The following CDR2 variants were observed in gnomAD, a reference collection of about 807,000 sequenced individuals.
CDR2 encodes the protein cerebellar degeneration-related protein 2.
Under a neutral mutation model 48.4 loss-of-function variants are expected in CDR2, and 34 were observed. That is an observed-to-expected ratio of 0.70 (90% confidence interval 0.53 to 0.94). CDR2 has a LOEUF of 0.94. Among genes scored for constraint, CDR2 ranks in the 40% least tolerant of loss-of-function variants. The pLI, the probability that CDR2 is intolerant of heterozygous loss-of-function variation, is 0.00. For missense variants in CDR2, 498 were observed against 549.5 expected (o/e 0.91, Z 0.94); for synonymous variants, 240 against 219.7 (o/e 1.09, Z -0.82).
At chr16:22,348,682 G>C (rs770155657) in intron 4 of CDR2, among the ~76,000 whole-genome samples, 3 of 152,228 alleles carry the variant, frequency 2.0e-5, no homozygotes, top group South Asian at 2.1e-4. Context: ...CAGGTGATCT[G>C]ATGTACAGCC....
chr16:22,357,410 T>G (rs1017902988), intron 2 of CDR2, among the ~76,000 whole-genome samples: 1 of 152,074 alleles, frequency 6.6e-6, no homozygotes, highest in Admixed American at 6.6e-5. Flanking sequence ...TGACACACAG[T>G]AGGGGACAAA....
chr16:22,369,565 G>A (rs536494464), intron 1 of CDR2, among the ~76,000 whole-genome samples: 10 of 151,478 alleles, frequency 6.6e-5, no homozygotes, highest in African/African-American at 2.2e-4. Context: ...CTGAAGTCTC[G>A]ATCTCCTAAA....
chr16:22,354,780 G>A (rs1221150033), intron 2 of CDR2, among the ~76,000 whole-genome samples: 1 of 151,888 alleles, frequency 6.6e-6, no homozygotes, highest in African/African-American at 2.4e-5. Context: ...TGTAGTCCCA[G>A]CTACTTGGGA....
At chr16:22,353,798 G>A (rs2048957422) in intron 2 of CDR2, among the ~76,000 whole-genome samples, 1 of 152,070 alleles carries the variant, frequency 6.6e-6, no homozygotes, top group Admixed American at 6.6e-5. Context: ...CTCATCCCCT[G>A]GGTATCTCCC....
intron 2 of CDR2, among the ~76,000 whole-genome samples, chr16:22,364,358 C>G (rs888551233): frequency 6.6e-6 from 1 of 151,898 alleles, no homozygotes. Flanking sequence ...CATCTGAACA[C>G]ACTGTGAAAT....
chr16:22,351,669 T>C (rs546669566), intron 2 of CDR2, among the ~76,000 whole-genome samples: 104 of 152,326 alleles, frequency 6.8e-4, no homozygotes, highest in African/African-American at 2.4e-3. Context: ...TTTATCACCA[T>C]TATCCTCCTT....
intron 4 of CDR2, chr16:22,349,016 A>G (rs1383553348): frequency 3.2e-6 from 1 of 313,746 alleles, no homozygotes. Flanking sequence ...CAACTCCCAA[A>G]TCTAGTCTAT....
chr16:22,355,358 T>C (rs1267856528), intron 2 of CDR2, among the ~76,000 whole-genome samples: 2 of 152,226 alleles, frequency 1.3e-5, no homozygotes, highest in Non-Finnish European at 2.9e-5. Context: ...TCCGGGGGGA[T>C]GCAGTTCTCC....
At chr16:22,372,233 G>A (rs1012624573) in intron 1 of CDR2, among the ~76,000 whole-genome samples, 1 of 152,170 alleles carries the variant, frequency 6.6e-6, no homozygotes, top group Non-Finnish European at 1.5e-5. Context: ...AGAGGTTAAA[G>A]AGAATTCCTC....
intron 2 of CDR2, among the ~76,000 whole-genome samples, chr16:22,356,447 G>A (rs1046573969): frequency 2.0e-5 from 3 of 150,946 alleles, no homozygotes; most frequent in Non-Finnish European, 4.4e-5. Flanking sequence ...GCAAAACCCC[G>A]TCTCTACTAA....
chr16:22,365,672 T>C (rs1684426621), intron 1 of CDR2, among the ~76,000 whole-genome samples: 1 of 152,194 alleles, frequency 6.6e-6, no homozygotes, highest in South Asian at 2.1e-4. Context: ...ATTTTAAACC[T>C]CATTTTTCAA....
chr16:22,367,555 T>G (rs1326957743), intron 1 of CDR2, among the ~76,000 whole-genome samples: 1 of 152,170 alleles, frequency 6.6e-6, no homozygotes, highest in East Asian at 1.9e-4. Flanking sequence ...GTTATTGTCA[T>G]AAAAGTATTA....
intron 1 of CDR2, 50 bp downstream of exon 1, chr16:22,374,181 G>A (rs187300780): frequency 3.3e-6 from 4 of 1,210,694 alleles, no homozygotes; most frequent in East Asian, 5.3e-5. Flanking sequence ...TCGCAGCGGG[G>A]GCCTCCCGGG....
intron 1 of CDR2, among the ~76,000 whole-genome samples, chr16:22,366,419 G>A (rs1428477451): frequency 2.0e-5 from 3 of 152,124 alleles, no homozygotes; most frequent in Middle Eastern, 3.2e-3. Flanking sequence ...ATAAAGCAAG[G>A]AAGAAGTACA....
chr16:22,362,166 G>C (rs2049014801), intron 2 of CDR2, among the ~76,000 whole-genome samples: 1 of 152,166 alleles, frequency 6.6e-6, no homozygotes, highest in African/African-American at 2.4e-5. Flanking sequence ...CTACCAAAGT[G>C]CTAGGATTAC....
At chr16:22,370,609 CCA>C (rs915157988) in intron 1 of CDR2, among the ~76,000 whole-genome samples, 3 of 152,220 alleles carry the variant, frequency 2.0e-5, no homozygotes, top group South Asian at 4.1e-4. Flanking sequence ...AAGATCTTAC[CCA>C]CAGAGATTAT....
chr16:22,366,175 T>C (rs2049043631), intron 1 of CDR2, among the ~76,000 whole-genome samples: 1 of 152,148 alleles, frequency 6.6e-6, no homozygotes, highest in African/African-American at 2.4e-5. Flanking sequence ...CATTCCCAGA[T>C]TAGTGGAGGA....
intron 1 of CDR2, among the ~76,000 whole-genome samples, chr16:22,369,967 AAC>A (rs1185849553): frequency 6.6e-6 from 1 of 152,252 alleles, no homozygotes; most frequent in Non-Finnish European, 1.5e-5. Context: ...TGGTTTAGGC[AAC>A]TACTAAAAAT....
intron 1 of CDR2, among the ~76,000 whole-genome samples, chr16:22,371,384 C>T (rs2049074673): frequency 6.6e-6 from 1 of 152,164 alleles, no homozygotes; most frequent in South Asian, 2.1e-4. Flanking sequence ...CAAGTGTCTA[C>T]TGAGGGCCTA....
Sources: allele counts gnomAD v4.1 joint callset (sites outside exome capture counted in the v4.1 genomes callset), GRCh38; gene constraint gnomAD v4.1.1; transcripts MANE v1.5; gene names NCBI Gene and HGNC (gene_info 2026-07-23, HGNC 2026-07-21).